BCAS1: variants seen among roughly 807,000 people sequenced by gnomAD.
BCAS1 encodes breast carcinoma-amplified sequence 1.
A neutral mutation model predicts 65.4 loss-of-function variants in BCAS1; 46 were observed. The observed-to-expected ratio is 0.70, with a 90% CI of 0.55 to 0.90. BCAS1 has a LOEUF of 0.90. Among genes scored for constraint, BCAS1 ranks in the 40% least tolerant of loss-of-function variants. The pLI is 0.00. For synonymous variants in BCAS1, 298 were observed against 293.5 expected (o/e 1.02, Z -0.16); for missense variants, 793 against 771.2 (o/e 1.03, Z -0.33).
At position 54,028,981 on chromosome 20, in the gene BCAS1, A is replaced by G. The variant is rs756425135; in HGVS notation, c.143-9T>C. The G allele has an allele frequency of 6.3e-7, 1 of 1,596,472 alleles. No individual in the cohort carries two copies. Among genetic ancestry groups the G allele is most frequent in the South Asian group, 1.1e-5 (1 of 89,722 alleles). On this transcript the variant is annotated splice_polypyrimidine_tract_variant and intron_variant, in intron 3 of 12. Transcript: ENST00000688948. The stretch of plus-strand genomic sequence containing the variant: ...ACTTATTCCCAAGTCGACTGTAAAC[A>G]CAAACATAAACAGTGGTTATTCAGC...
chr20:54,004,566 A>G (rs1181354497), intron 4 of BCAS1, among the ~76,000 whole-genome samples: 1 of 152,248 alleles, frequency 6.6e-6, no homozygotes, highest in South Asian at 2.1e-4. Context: ...GGCACAAGAC[A>G]TAAATCTAGA....
At chr20:54,046,314 G>A (rs1288249294) in intron 3 of BCAS1, among the ~76,000 whole-genome samples, 1 of 151,990 alleles carries the variant, frequency 6.6e-6, no homozygotes, top group Non-Finnish European at 1.5e-5. Flanking sequence ...TGGATCACGA[G>A]GTCAGGAGTT....
At chr20:53,949,468 C>T (rs1050842393) in intron 12 of BCAS1, among the ~76,000 whole-genome samples, 2 of 152,266 alleles carry the variant, frequency 1.3e-5, no homozygotes, top group African/African-American at 4.8e-5. Flanking sequence ...GATCGGCCTG[C>T]GGTGTGTCTC....
intron 3 of BCAS1, among the ~76,000 whole-genome samples, chr20:54,031,022 G>A (rs2091788814): frequency 6.6e-6 from 1 of 151,390 alleles, no homozygotes; most frequent in South Asian, 2.1e-4. Context: ...GGAGAAGAGG[G>A]TATGGTTGAC....
intron 7 of BCAS1, among the ~76,000 whole-genome samples, chr20:53,988,450 A>C (rs780457448): frequency 6.6e-6 from 1 of 152,244 alleles, no homozygotes; most frequent in Non-Finnish European, 1.5e-5. Flanking sequence ...ACAGTGACAG[A>C]CACTGTTTTA....
chr20:53,949,812 T>C (rs1022109310), intron 12 of BCAS1, among the ~76,000 whole-genome samples: 1 of 152,092 alleles, frequency 6.6e-6, no homozygotes, highest in Non-Finnish European at 1.5e-5. Context: ...GCAGAAGCAG[T>C]CCCAGCCTGA....
chr20:54,036,242 A>G (rs535200414), intron 3 of BCAS1, among the ~76,000 whole-genome samples: 2 of 151,284 alleles, frequency 1.3e-5, no homozygotes, highest in Non-Finnish European at 3.0e-5. Context: ...TAAAAGTTAA[A>G]AAAATGCAAA....
intron 3 of BCAS1, among the ~76,000 whole-genome samples, chr20:54,031,682 C>A (rs2091803780): frequency 6.6e-6 from 1 of 151,298 alleles, no homozygotes; most frequent in African/African-American, 2.4e-5. Flanking sequence ...ACATTTAGAT[C>A]CAGCTGTGCC....
At chr20:53,974,957 T>G (rs889872052) in intron 9 of BCAS1, among the ~76,000 whole-genome samples, 3 of 152,170 alleles carry the variant, frequency 2.0e-5, no homozygotes, top group African/African-American at 7.2e-5. Flanking sequence ...TGCTGCAAGA[T>G]GTTCTCATGC....
At chr20:54,041,376 A>C (rs897301341) in intron 3 of BCAS1, among the ~76,000 whole-genome samples, 5 of 141,916 alleles carry the variant, frequency 3.5e-5, no homozygotes, top group African/African-American at 1.2e-4. Flanking sequence ...AAACAGCAAC[A>C]CAGCACCAAG....
At chr20:53,964,007 G>A (rs573721095) in intron 10 of BCAS1, among the ~76,000 whole-genome samples, 21 of 152,330 alleles carry the variant, frequency 1.4e-4, no homozygotes, top group Middle Eastern at 3.4e-3. Context: ...ATTCTCCGCC[G>A]GGGGAGACTG....
intron 4 of BCAS1, among the ~76,000 whole-genome samples, chr20:53,997,628 G>A (rs6013864): frequency 0.13 from 19,122 of 152,146 alleles, 2,606 homozygotes; most frequent in African/African-American, 0.34. Flanking sequence ...TGGGTCAAGA[G>A]GTATGCAAAT....
At chr20:54,035,292 T>C (rs6127065) in intron 3 of BCAS1, among the ~76,000 whole-genome samples, 28,976 of 147,670 alleles carry the variant, frequency 0.2, 3,533 homozygotes, top group East Asian at 0.33. Context: ...CCCAGCTACT[T>C]GGAGAGGCTG....
chr20:54,052,462 T>A (rs141259304), intron 3 of BCAS1, among the ~76,000 whole-genome samples: 2 of 152,368 alleles, frequency 1.3e-5, no homozygotes, highest in African/African-American at 4.8e-5. Flanking sequence ...CTAAGGAGTA[T>A]ACCATCTGCT....
intron 10 of BCAS1, among the ~76,000 whole-genome samples, chr20:53,959,327 C>T (rs1479234673): frequency 6.6e-6 from 1 of 151,684 alleles, no homozygotes; most frequent in Non-Finnish European, 1.5e-5. Context: ...GATCTTGGCT[C>T]ACTGCAGCTT....
intron 3 of BCAS1, among the ~76,000 whole-genome samples, chr20:54,040,829 C>A (rs1180550560): frequency 6.6e-6 from 1 of 151,222 alleles, no homozygotes; most frequent in Non-Finnish European, 1.5e-5. Flanking sequence ...CCAGCAATTC[C>A]ATTCCTAGGT....
chr20:54,029,946 T>C (rs921670129), intron 3 of BCAS1, among the ~76,000 whole-genome samples: 1 of 152,114 alleles, frequency 6.6e-6, no homozygotes, highest in Non-Finnish European at 1.5e-5. Context: ...ACTCAGAAAA[T>C]TTCTCTTTGA....
Position 54,011,495 on chromosome 20 carries a change from A to G in BCAS1, c.724-15445T>C, listed in dbSNP as rs2091319638. Among the ~76,000 whole-genome samples the G allele has an allele frequency of 2.0e-5, 3 of 152,218 alleles. No individual in the cohort carries two copies. In the South Asian group the frequency reaches 6.2e-4, roughly 32 times the overall value. ...GCAAATAAGCACATAAAGATGTTCA[A>G]TCTCATTAACCATTAGAAAAGTGCA... On this transcript the variant is annotated intron_variant, in intron 4 of 12. Transcript: ENST00000688948.
rs894390313 is a variant in BCAS1 at position 53,947,090 on chromosome 20, C to T, written c.1816-2094G>A. Among the ~76,000 whole-genome samples the T allele has an allele frequency of 4.0e-5, 6 of 151,876 alleles. 1 individual carries two copies. Among genetic ancestry groups the T allele is most frequent in the Admixed American group, 1.3e-4 (2 of 15,248 alleles). ...TGTAGTGTAATTTCATGTAATTTAC[C>T]AAGGAATCAGATTGCTGGTCTTTGA... On this transcript the variant is annotated intron_variant, in intron 12 of 12. Coordinates refer to ENST00000688948, the MANE Select transcript of BCAS1 (RefSeq NM_001366298.2).
Sources: allele counts gnomAD v4.1 joint callset (sites outside exome capture counted in the v4.1 genomes callset), GRCh38; gene constraint gnomAD v4.1.1; transcripts MANE v1.5; gene names NCBI Gene and HGNC (gene_info 2026-07-23, HGNC 2026-07-21).